The following FAM25A variants were observed in gnomAD, a reference collection of about 807,000 sequenced individuals.
FAM25A encodes the protein protein FAM25A.
In FAM25A, 5 loss-of-function variants were observed where a neutral mutation model predicts 6.6. The observed-to-expected ratio is 0.75, with a 90% confidence interval of 0.39 to 1.59. FAM25A has a LOEUF of 1.59. Among genes scored for constraint, FAM25A ranks in the 40% most tolerant of loss-of-function variants. The pLI, the probability that FAM25A is intolerant of heterozygous loss-of-function variation, is 0.02. For synonymous variants in FAM25A, 36 were observed against 41.3 expected (o/e 0.87, Z 0.49); for missense variants, 93 against 109.7 (o/e 0.85, Z 0.68).
Position 87,024,571 on chromosome 10 carries a change from A to G in FAM25A, c.167A>G (p.Glu56Gly). ...AIAEAIKKAQ[E>G]SGDKKMKEIT... ...GCTGAAGCCATAAAGAAAGCCCAAG[A>G]GTCAGGGGACAAAAAGATGAAGGAA... is the stretch of plus-strand genomic sequence containing the variant. Residue 56 changes from glutamate to glycine, a missense_variant, in exon 3 of 3, where the codon GAG becomes GGG. Transcript: ENST00000343959. The G allele has an allele frequency of 6.5e-7, 1 of 1,535,812 alleles. No homozygotes were observed. Among genetic ancestry groups the G allele is most frequent in the Non-Finnish European group, 8.7e-7 (1 of 1,146,900 alleles).
At chr10:87,020,862 TGGC>T (rs1172969083) in intron 1 of FAM25A, among the ~76,000 whole-genome samples, 1 of 152,204 alleles carries the variant, frequency 6.6e-6, no homozygotes, top group Non-Finnish European at 1.5e-5. Flanking sequence ...AGTCTTGCTC[TGGC>T]ACCCAGGCTG....
At position 87,020,359 on chromosome 10, in the gene FAM25A, G is replaced by T; in HGVS notation, c.35G>T (p.Gly12Val). ...LGGLGKLAAE[G>V]LAHRTEKATE... Reference sequence around the variant, plus strand: ...GGCCTGGGGAAGCTGGCTGCCGAAGGCCTGGCCCACCGCACCGAGAAGGCC... The same window carrying T: ...GGCCTGGGGAAGCTGGCTGCCGAAGTCCTGGCCCACCGCACCGAGAAGGCC... Residue 12 changes from glycine to valine, a missense_variant, in exon 1 of 3, where the codon GGC (glycine) becomes GTC (valine). Gly to Val is a moderately radical substitution (Grantham distance 109). Coordinates refer to ENST00000343959, the MANE Select transcript of FAM25A (RefSeq NM_001146157.3). 1.3e-6 allele frequency: 2 copies of T among 1,549,446 alleles called. No individual in the cohort carries two copies. Among genetic ancestry groups the T allele is most frequent in the Non-Finnish European group, 1.7e-6 (2 of 1,146,820 alleles).
chr10:87,020,724 A>G (rs1272341296), intron 1 of FAM25A, among the ~76,000 whole-genome samples: 3 of 152,230 alleles, frequency 2.0e-5, no homozygotes, highest in Non-Finnish European at 4.4e-5. Context: ...TATTTTTACC[A>G]TAACTTTAAA....
chr10:87,024,652 G>A lies in FAM25A; in HGVS notation c.248G>A (p.Ser83Asn), dbSNP rs1845361306. 1 of 1,535,812 alleles carries A rather than the reference G, an allele frequency of 6.5e-7. No homozygotes were observed. The highest frequency in any genetic ancestry group is 8.7e-7 in the Non-Finnish European group (1 of 1,146,898). The change falls in exon 3 of 3, where the codon AGT (serine) becomes AAT (asparagine). Residue 83 changes from serine (S) to asparagine (N), a missense_variant. Physicochemically the swap from Ser to Asn is conservative, Grantham distance 46. Coordinates refer to ENST00000343959, the MANE Select transcript of FAM25A (RefSeq NM_001146157.3). ...VTNAITHAAE[S>N]LDKLGQ Reference sequence around the variant, plus strand: ...AATGCCATCACCCATGCAGCAGAGAGTCTGGACAAACTTGGACAGTGAGTG... The same window carrying A: ...AATGCCATCACCCATGCAGCAGAGAATCTGGACAAACTTGGACAGTGAGTG...
chr10:87,021,025 G>A (rs1484429665), intron 1 of FAM25A, among the ~76,000 whole-genome samples: 8 of 152,200 alleles, frequency 5.3e-5, no homozygotes, highest in Admixed American at 1.3e-4. Flanking sequence ...ACAGGGTTTC[G>A]CCATGTTGGC....
At chr10:87,024,053 C>T (rs2133757478) in intron 2 of FAM25A, among the ~76,000 whole-genome samples, 1 of 151,880 alleles carries the variant, frequency 6.6e-6, no homozygotes, top group South Asian at 2.1e-4. Context: ...AAGACTTTGG[C>T]CTAATCTTGG....
chr10:87,020,503 T>C lies in FAM25A; in HGVS notation c.73+106T>C, dbSNP rs904382365. 3.5e-6 allele frequency: 5 copies of C among 1,411,974 alleles called. No individual in the cohort carries two copies. In the African/African-American group the frequency reaches 7.2e-5, roughly 20 times the overall value. 87.5% of individuals were successfully genotyped at this position (1,411,974 alleles called of 1,614,324 possible). A position where few individuals can be genotyped will look rare whatever the true frequency, so the allele number is the denominator to read the frequency against. On this transcript the variant is annotated intron_variant, in intron 1 of 2. Transcript: ENST00000343959. ...CAGGTGAGGACCTGGGAGGAGGCCTTGGCCCCTCAGGAACCCTGGTCCCCT... is the reference window on the plus strand; with the variant it reads ...CAGGTGAGGACCTGGGAGGAGGCCTCGGCCCCTCAGGAACCCTGGTCCCCT...
chr10:87,020,474 T>C (rs1044843065), intron 1 of FAM25A, 77 bp downstream of exon 1: 2 of 1,520,066 alleles, frequency 1.3e-6, no homozygotes, highest in African/African-American at 2.8e-5. Context: ...CGGATCTAAG[T>C]AGGCAGGTGA....
At chr10:87,021,936 T>A (rs570389619) in intron 1 of FAM25A, among the ~76,000 whole-genome samples, 1 of 152,354 alleles carries the variant, frequency 6.6e-6, no homozygotes, top group African/African-American at 2.4e-5. Context: ...AGGCCCAGCC[T>A]GGGCTTCATG....
intron 1 of FAM25A, among the ~76,000 whole-genome samples, 197 bp from the exon 2 acceptor site, chr10:87,022,117 T>A (rs1845332968): frequency 1.3e-5 from 2 of 152,012 alleles, no homozygotes; most frequent in African/African-American, 2.4e-5. Flanking sequence ...TGAGCCAGTC[T>A]GTCCTGGCTG....
chr10:87,024,522 T>C lies in FAM25A; in HGVS notation c.137-19T>C. Reference sequence around the variant, plus strand: ...AGCGGGTGGATCACTAGGACATTCTTCCTCTTTCTTTCCAACAGCCATTGC... The same window carrying C: ...AGCGGGTGGATCACTAGGACATTCTCCCTCTTTCTTTCCAACAGCCATTGC... On this transcript the variant is annotated intron_variant, in intron 2 of 2. Transcript: ENST00000343959. 1.3e-6 allele frequency: 2 copies of C among 1,535,812 alleles called. No homozygotes were observed. Among genetic ancestry groups the C allele is most frequent in the Non-Finnish European group, 1.7e-6 (2 of 1,146,908 alleles).
chr10:87,020,507 C>T (rs1453772724), intron 1 of FAM25A, 110 bp downstream of exon 1: 59 of 1,344,030 alleles, frequency 4.4e-5, no homozygotes, highest in Middle Eastern at 2.7e-4. Context: ...AGGCCTTGGC[C>T]CCTCAGGAAC....
At chr10:87,024,506 A>G (rs1410630318) in intron 2 of FAM25A, 35 bp from the exon 3 acceptor site, 2 of 1,535,712 alleles carry the variant, frequency 1.3e-6, no homozygotes, top group African/African-American at 1.4e-5. Flanking sequence ...CAGCGGGTGG[A>G]TCACTAGGAC....
chr10:87,023,613 T>C (rs4596982), intron 2 of FAM25A, among the ~76,000 whole-genome samples: 115,267 of 152,136 alleles, frequency 0.76, 44,445 homozygotes, highest in East Asian at 0.92. Flanking sequence ...CCCAGCTACT[T>C]AGGAGTCTGA....
At chr10:87,022,476 C>G in intron 2 of FAM25A, 100 bp downstream of exon 2, 2 of 1,402,772 alleles carry the variant, frequency 1.4e-6, no homozygotes, top group Non-Finnish European at 1.9e-6. Context: ...AACTCTGCCC[C>G]CAATGTTGCA....
In FAM25A at chr10:87,024,714, A is replaced by T; in HGVS notation, c.*40A>T. ...ACGGCCCTTCCCCAGTCTCAATAAA[A>T]AGCCATGACATGTGTACATTGAGCG... On this transcript the variant is annotated 3_prime_UTR_variant, in exon 3 of 3. Coordinates refer to ENST00000343959, the MANE Select transcript of FAM25A (RefSeq NM_001146157.3). The T allele has an allele frequency of 6.5e-7, 1 of 1,535,680 alleles. No homozygotes were observed. Among genetic ancestry groups the T allele is most frequent in the Non-Finnish European group, 8.7e-7 (1 of 1,146,864 alleles).
chr10:87,020,583 G>A (rs1300465186), intron 1 of FAM25A, among the ~76,000 whole-genome samples, 186 bp downstream of exon 1: 11 of 152,128 alleles, frequency 7.2e-5, no homozygotes, highest in Admixed American at 3.3e-4. Flanking sequence ...GGTCTCCTGG[G>A]GGCAGGGCAT....
At position 87,024,526 on chromosome 10, in the gene FAM25A, C is replaced by T. The variant is rs1845359941; in HGVS notation, c.137-15C>T. The T allele has an allele frequency of 6.5e-7, 1 of 1,535,830 alleles. No homozygotes were observed. The highest frequency in any genetic ancestry group is 8.7e-7 in the Non-Finnish European group (1 of 1,146,906). On this transcript the variant is annotated splice_polypyrimidine_tract_variant and intron_variant, in intron 2 of 2. Coordinates refer to ENST00000343959, the MANE Select transcript of FAM25A (RefSeq NM_001146157.3). ...GGTGGATCACTAGGACATTCTTCCT[C>T]TTTCTTTCCAACAGCCATTGCTGAA...
intron 2 of FAM25A, among the ~76,000 whole-genome samples, chr10:87,023,436 A>G (rs1845348642): frequency 6.6e-6 from 1 of 152,038 alleles, no homozygotes; most frequent in African/African-American, 2.4e-5. Context: ...ATAAAATACC[A>G]TAGGCCAGGT....
Sources: gnomAD v4.1 joint callset for allele counts (sites outside exome capture counted in the v4.1 genomes callset) on GRCh38, gnomAD v4.1.1 for gene constraint, MANE v1.5 for transcripts, NCBI Gene and HGNC (gene_info 2026-07-23, HGNC 2026-07-21) for gene names.